Variants in CENATAC observed in about 807,000 individuals in gnomAD.
The protein encoded by CENATAC is coiled-coil domain containing 84.
CENATAC carries 53 observed loss-of-function variants against 53.7 expected under a neutral mutation model. That is an observed-to-expected ratio of 0.99 (90% CI 0.79 to 1.24). The LOEUF (loss-of-function observed/expected upper bound fraction) is 1.24. Ranked by LOEUF, CENATAC falls within the 50% of genes most tolerant of loss-of-function variation. The pLI is 0.00. For missense variants in CENATAC, 474 were observed against 417.8 expected (o/e 1.13, Z -1.17); for synonymous variants, 156 against 144.6 (o/e 1.08, Z -0.57).
intron 3 of CENATAC, chr11:119,003,421 G>A (rs2134533316): frequency 4.1e-6 from 2 of 489,144 alleles, no homozygotes; most frequent in Middle Eastern, 7.4e-4. Flanking sequence ...AGGGGCAGGA[G>A]CTTCCTTCTT....
intron 7 of CENATAC, chr11:119,012,649 C>T (rs1194401174): frequency 1.1e-5 from 2 of 177,444 alleles, no homozygotes; most frequent in African/African-American, 4.7e-5. Context: ...CTCCATTCAG[C>T]CTTTGGGCAA....
At chr11:119,014,763 AGTGT>A (rs1052305579) in intron 8 of CENATAC, 1 of 354,270 alleles carries the variant, frequency 2.8e-6, no homozygotes, top group East Asian at 4.6e-5. Context: ...ACCAAATTTA[AGTGT>A]GTATCGTTTA....
In CENATAC at chr11:118,998,492, G is replaced by C; in HGVS notation, c.183G>C (p.Glu61Asp). ...TGGAGCGCTATGTGCCCGAACACGA[G>C]CGATGCTGCTGGTGCCTGTGCTGCG... ...AQVERYVPEH[E>D]RCCWCLCCGC... is the part of the protein sequence containing the mutation. Residue 61 changes from glutamate to aspartate, a missense_variant, in exon 2 of 11, where the codon GAG becomes GAC. Physicochemically the swap from Glu to Asp is conservative, Grantham distance 45 (BLOSUM62 2). Transcript: ENST00000334418. 1 of 1,613,304 alleles carries C rather than the reference G, an allele frequency of 6.2e-7. No homozygotes were observed. The highest frequency in any genetic ancestry group is 8.5e-7 in the Non-Finnish European group (1 of 1,179,768).
At chr11:119,014,760 T>A (rs1464235878) in intron 8 of CENATAC, 3 of 346,998 alleles carry the variant, frequency 8.6e-6, no homozygotes, top group Admixed American at 9.0e-5. Flanking sequence ...GTCACCAAAT[T>A]TAAGTGTGTA....
chr11:119,011,614 G>A (rs1942877247), intron 5 of CENATAC, among the ~76,000 whole-genome samples: 2 of 152,110 alleles, frequency 1.3e-5, no homozygotes, highest in African/African-American at 4.8e-5. Context: ...CCTGACCTCA[G>A]GTGATCCACC....
In CENATAC at chr11:118,998,187, G is replaced by T; in HGVS notation, c.-11G>T. Reference sequence around the variant, plus strand: ...CGGCCGCTGGTGGTGGTGATACCGGGTACCCGGGCTATGGCGCCGGCGCAG... The same window carrying T: ...CGGCCGCTGGTGGTGGTGATACCGGTTACCCGGGCTATGGCGCCGGCGCAG... On this transcript the variant is annotated 5_prime_UTR_variant, in exon 1 of 11. Coordinates refer to ENST00000334418, the MANE Select transcript of CENATAC (RefSeq NM_198489.3). 6.3e-7 allele frequency: 1 copy of T among 1,575,430 alleles called. No homozygotes were observed. The highest frequency in any genetic ancestry group is 8.6e-7 in the Non-Finnish European group (1 of 1,162,954).
rs1942152451 is a variant in CENATAC at position 118,998,957 on chromosome 11, C to T, written c.285-54C>T. 14 of 1,370,376 alleles carry T rather than the reference C, an allele frequency of 1.0e-5. No individual in the cohort carries two copies. The South Asian group carries it at 1.6e-4, about 16-fold the overall frequency. The allele number at this position is 1,370,376 out of a possible 1,614,324, so 84.9% of individuals were successfully genotyped here. A position where few individuals can be genotyped will look rare whatever the true frequency, so the allele number is the denominator to read the frequency against. On this transcript the variant is annotated intron_variant, in intron 2 of 10. Coordinates refer to ENST00000334418, the MANE Select transcript of CENATAC (RefSeq NM_198489.3). ...GCATTACAAACCTAATGCTTAATAT[C>T]TGAGTAATATTTTATAATCTATAGC...
At chr11:119,015,271 A>AG in intron 9 of CENATAC, 36 bp from the exon 10 acceptor site, 1 of 1,570,962 alleles carries the variant, frequency 6.4e-7, no homozygotes. Context: ...ATATTCTTCA[A>AG]TAAAGAAAAA....
chr11:119,015,658 C>A lies in CENATAC; in HGVS notation c.*60C>A. ...CAAAGTCAACAAACCCCTATTATAC[C>A]TTCCACCAAATTCTTTATCATTGTC... On this transcript the variant is annotated 3_prime_UTR_variant, in exon 11 of 11. Transcript: ENST00000334418. The A allele has an allele frequency of 6.6e-7, 1 of 1,514,704 alleles. No homozygotes were observed. The highest frequency in any genetic ancestry group is 9.1e-7 in the Non-Finnish European group (1 of 1,093,906). 93.8% of individuals were successfully genotyped at this position (1,514,704 alleles called of 1,614,324 possible). A position where few individuals can be genotyped will look rare whatever the true frequency, so the allele number is the denominator to read the frequency against.
chr11:119,011,772 G>A (rs1454639654), intron 5 of CENATAC, among the ~76,000 whole-genome samples, 167 bp from the exon 6 acceptor site: 1 of 151,956 alleles, frequency 6.6e-6, no homozygotes, highest in African/African-American at 2.4e-5. Flanking sequence ...GTGAATATGT[G>A]GACAGGACTG....
At chr11:119,014,730 T>C (rs491036) in intron 8 of CENATAC, 1 of 287,464 alleles carries the variant, frequency 3.5e-6, no homozygotes, top group Admixed American at 4.9e-5. Context: ...GGGTCTAGAT[T>C]GTAATGGCTT....
intron 3 of CENATAC, among the ~76,000 whole-genome samples, chr11:118,999,615 C>T (rs1451486044): frequency 2.0e-5 from 3 of 152,098 alleles, no homozygotes; most frequent in East Asian, 3.9e-4. Context: ...CAAACCACCA[C>T]ACCTGGCTAA....
chr11:119,013,522 G>T, intron 8 of CENATAC, among the ~76,000 whole-genome samples: 1 of 149,260 alleles, frequency 6.7e-6, no homozygotes. Flanking sequence ...GGAGTGCAGT[G>T]GCGGGATCTC....
Position 119,014,946 on chromosome 11 carries a change from A to G in CENATAC, c.716-48A>G, listed in dbSNP as rs562423228. 2.4e-6 allele frequency: 3 copies of G among 1,275,194 alleles called. No individual in the cohort carries two copies. In the East Asian group the frequency reaches 7.1e-5, roughly 30 times the overall value. The allele number at this position is 1,275,194 out of a possible 1,614,324, so 79.0% of individuals were successfully genotyped here. ...TAACAGCTAGGACATGTTTCACAAT[A>G]GCCTGAAGACTTAAAAAAAAAAAAA... On this transcript the variant is annotated intron_variant, in intron 8 of 10. Coordinates refer to ENST00000334418, the MANE Select transcript of CENATAC (RefSeq NM_198489.3).
chr11:119,007,969 CCAAAAAGGACAACACTGAAA>C (rs1271293385), intron 3 of CENATAC, among the ~76,000 whole-genome samples: 1 of 152,148 alleles, frequency 6.6e-6, no homozygotes, highest in Non-Finnish European at 1.5e-5. Flanking sequence ...GTTTCATACA[CCAAAAAGGACAACACTGAAA>C]CAAAAAGGAC....
intron 3 of CENATAC, chr11:119,010,382 A>T (rs1942810557): frequency 1.1e-5 from 2 of 185,562 alleles, no homozygotes; most frequent in Non-Finnish European, 2.2e-5. Flanking sequence ...GTATGCCTAC[A>T]CTCAAGTCTG....
chr11:119,002,085 G>T (rs571428160), intron 3 of CENATAC, among the ~76,000 whole-genome samples: 3 of 151,778 alleles, frequency 2.0e-5, no homozygotes, highest in South Asian at 4.2e-4. Flanking sequence ...ATAGCTGGGC[G>T]TGTTGGTTTG....
intron 9 of CENATAC, 33 bp from the exon 10 acceptor site, chr11:119,015,274 A>T: frequency 1.3e-6 from 2 of 1,574,662 alleles, no homozygotes; most frequent in Non-Finnish European, 8.6e-7. Flanking sequence ...TTCTTCAATA[A>T]AGAAAAATAA....
chr11:118,998,735 G>T lies in CENATAC; in HGVS notation c.284+142G>T, dbSNP rs1324014991. 16 of 1,192,686 alleles carry T rather than the reference G, an allele frequency of 1.3e-5. No individual in the cohort carries two copies. In the Admixed American group the frequency reaches 2.3e-4, roughly 17 times the overall value. 73.9% of individuals were successfully genotyped at this position (1,192,686 alleles called of 1,614,324 possible). A position where few individuals can be genotyped will look rare whatever the true frequency, so the allele number is the denominator to read the frequency against. On this transcript the variant is annotated intron_variant, in intron 2 of 10. Coordinates refer to ENST00000334418, the MANE Select transcript of CENATAC (RefSeq NM_198489.3). ...TCACTTCACAGGTTTTGCCAGCCTT[G>T]TTAGGGTAGGGGTCATATGCTGCCA...
Sources: gnomAD v4.1 joint callset for allele counts (sites outside exome capture counted in the v4.1 genomes callset) on GRCh38, gnomAD v4.1.1 for gene constraint, MANE v1.5 for transcripts, NCBI Gene and HGNC (gene_info 2026-07-23, HGNC 2026-07-21) for gene names.